HSPD1: variants seen among roughly 807,000 people sequenced by gnomAD.
HSPD1 encodes heat shock protein family D (Hsp60) member 1.
Under a neutral mutation model 53.0 loss-of-function variants are expected in HSPD1, and 3 were observed. The ratio of observed to expected loss-of-function variants is 0.06; its 90% CI spans 0.03 to 0.15. The LOEUF is 0.15. Among genes scored for constraint, HSPD1 ranks in the 10% least tolerant of loss-of-function variants. The pLI is 1.00. For missense variants in HSPD1, 431 were observed against 694.1 expected (o/e 0.62, Z 4.26); for synonymous variants, 200 against 228.0 (o/e 0.88, Z 1.10).
At chr2:197,487,647 G>A (rs1461072164) in intron 11 of HSPD1, among the ~76,000 whole-genome samples, 1 of 152,228 alleles carries the variant, frequency 6.6e-6, no homozygotes, top group African/African-American at 2.4e-5. Flanking sequence ...GGACTCAACT[G>A]CTACTCAAGG....
At chr2:197,494,910 G>C (rs1331263072) in intron 4 of HSPD1, 158 bp from the exon 5 acceptor site, 1 of 661,910 alleles carries the variant, frequency 1.5e-6, no homozygotes, top group East Asian at 2.7e-5. Flanking sequence ...CTGGTTCTTT[G>C]CTCTTTTCCG....
intron 1 of HSPD1, 22 bp from the exon 2 acceptor site, chr2:197,498,872 T>C (rs1387359662): frequency 1.2e-6 from 2 of 1,610,798 alleles, no homozygotes. Flanking sequence ...AGCAAAAAGA[T>C]CATCAGAACT....
chr2:197,493,514 C>G (rs780776422), intron 6 of HSPD1, 22 bp from the exon 7 acceptor site: 1 of 1,540,654 alleles, frequency 6.5e-7, no homozygotes, highest in Admixed American at 1.7e-5. Flanking sequence ...ATGAAGATTT[C>G]AAAAATATAC....
chr2:197,499,416 T>C (rs1309674726), intron 1 of HSPD1: 2 of 156,860 alleles, frequency 1.3e-5, no homozygotes, highest in African/African-American at 4.8e-5. Flanking sequence ...AGGTCAAGAC[T>C]GGAGGCGCGG....
chr2:197,495,034 A>C, intron 4 of HSPD1: 1 of 597,996 alleles, frequency 1.7e-6, no homozygotes, highest in East Asian at 2.8e-5. Context: ...TGCACCTTTG[A>C]CAATGGCTAA....
At chr2:197,487,254 T>A in intron 11 of HSPD1, 56 bp from the exon 12 acceptor site, 1 of 1,526,554 alleles carries the variant, frequency 6.6e-7, no homozygotes, top group East Asian at 2.3e-5. Flanking sequence ...GCAAGACTTA[T>A]TGAAAATTTC....
In HSPD1 at chr2:197,490,612, C is replaced by T. The variant is rs183708252; in HGVS notation, c.870-316G>A. The T allele has an allele frequency of 4.2e-5, 14 of 329,466 alleles. No individual in the cohort carries two copies. In the East Asian group the frequency reaches 7.4e-4, roughly 17 times the overall value. The allele number at this position is 329,466 out of a possible 1,614,324, so 20.4% of individuals were successfully genotyped here. A position where few individuals can be genotyped will look rare whatever the true frequency, so the allele number is the denominator to read the frequency against. On this transcript the variant is annotated intron_variant, in intron 7 of 11. Coordinates refer to ENST00000388968, the MANE Select transcript of HSPD1 (RefSeq NM_002156.5). ...TTGCAAGGCCCAGGCAGGTGGATCA[C>T]GAGGTCAGGAGTTCGAGACCAGCCT...
chr2:197,490,451 G>C, intron 7 of HSPD1, 155 bp from the exon 8 acceptor site: 1 of 640,536 alleles, frequency 1.6e-6, no homozygotes, highest in Non-Finnish European at 2.8e-6. Context: ...AGCAATTTTT[G>C]ATCAAATTAA....
At chr2:197,494,828 G>GGAAGTA in intron 4 of HSPD1, 76 bp from the exon 5 acceptor site, 1 of 957,402 alleles carries the variant, frequency 1.0e-6, no homozygotes, top group Non-Finnish European at 1.7e-6. Flanking sequence ...CCTTTTCCTA[G>GGAAGTA]TAACTTCCAA....
At chr2:197,489,277 G>C (rs777261563) in intron 8 of HSPD1, 30 bp from the exon 9 acceptor site, 11 of 1,612,786 alleles carry the variant, frequency 6.8e-6, no homozygotes, top group Admixed American at 6.7e-5. Context: ...TAAACCTGTT[G>C]TAGGTTACAG....
Position 197,493,385 on chromosome 2 carries a change from G to C in HSPD1, c.808C>G (p.Pro270Ala). The change falls in exon 7 of 12, where the codon CCT (proline) becomes GCT (alanine). Residue 270 changes from proline to alanine, a missense_variant. Pro to Ala is a conservative substitution (Grantham distance 27, BLOSUM62 -1). This residue lies in a region of HSPD1 where 386 missense variants were observed against 657.6 expected (regional missense o/e 0.59). Transcript: ENST00000388968. ...ALEIANAHRK[P>A]LVIIAEDVDG... ...ACATCTTCAGCGATTATGACCAAAG[G>C]CTTACGGTGAGCATTGGCAATTTCA... 6.2e-7 allele frequency: 1 copy of C among 1,613,678 alleles called. No homozygotes were observed. Among genetic ancestry groups the C allele is most frequent in the Non-Finnish European group, 8.5e-7 (1 of 1,179,792 alleles).
At chr2:197,499,167 C>A in intron 1 of HSPD1, 1 of 440,434 alleles carries the variant, frequency 2.3e-6, no homozygotes, top group African/African-American at 2.0e-5. Flanking sequence ...GTGGGCAGAC[C>A]CACTCCAACT....
intron 7 of HSPD1, 78 bp from the exon 8 acceptor site, chr2:197,490,374 G>T: frequency 9.1e-7 from 1 of 1,099,692 alleles, no homozygotes; most frequent in Non-Finnish European, 1.4e-6. Context: ...GCTGTTACTA[G>T]ATTACTTAGG....
At chr2:197,489,738 C>A (rs1293056758) in intron 8 of HSPD1, among the ~76,000 whole-genome samples, 1 of 151,918 alleles carries the variant, frequency 6.6e-6, no homozygotes, top group Non-Finnish European at 1.5e-5. Flanking sequence ...ACCTGTAGTC[C>A]CAGCTACTTG....
Position 197,489,257 on chromosome 2 carries a change from G to A in HSPD1, c.970-10C>T. ...CCTCTTCTCCAAACACCTACAAAAA[G>A]AGTTAAACGTAAACCTGTTGTAGGT... On this transcript the variant is annotated splice_polypyrimidine_tract_variant and intron_variant, in intron 8 of 11. Coordinates refer to ENST00000388968, the MANE Select transcript of HSPD1 (RefSeq NM_002156.5). 6.2e-7 allele frequency: 1 copy of A among 1,614,010 alleles called. No homozygotes were observed. Among genetic ancestry groups the A allele is most frequent in the Non-Finnish European group, 8.5e-7 (1 of 1,179,930 alleles).
intron 3 of HSPD1, among the ~76,000 whole-genome samples, chr2:197,495,859 C>G (rs1390499537): frequency 1.3e-5 from 2 of 152,288 alleles, no homozygotes; most frequent in East Asian, 1.9e-4. Context: ...TAGGTTCACA[C>G]AGTAAATAAA....
rs1174790355 is a variant in HSPD1 at position 197,487,031 on chromosome 2, GCAC to G, written c.*12_*14del. 8.3e-6 allele frequency: 10 copies of G among 1,205,010 alleles called. No homozygotes were observed. In the African/African-American group the frequency reaches 1.5e-4, roughly 18 times the overall value. The allele number at this position is 1,205,010 out of a possible 1,614,324, so 74.6% of individuals were successfully genotyped here. On this transcript the variant is annotated 3_prime_UTR_variant, in exon 12 of 12. Transcript: ENST00000388968. ...GTCACAGTTCATTAATAAAGGTAAAGCACTAGTCTAGGAGTTAGAACATGCCAC... is the reference window on the plus strand; with the variant it reads ...GTCACAGTTCATTAATAAAGGTAAAGTAGTCTAGGAGTTAGAACATGCCAC...
At chr2:197,499,675 G>A (rs1275356264) in intron 1 of HSPD1, 107 bp downstream of exon 1, 2 of 152,116 alleles carry the variant, frequency 1.3e-5, no homozygotes, top group Non-Finnish European at 2.9e-5. Flanking sequence ...GCGCGGTGCG[G>A]AACTCCAGGT....
chr2:197,494,999 C>G, intron 4 of HSPD1: 1 of 596,112 alleles, frequency 1.7e-6, no homozygotes, highest in Non-Finnish European at 3.0e-6. Context: ...AAAATGCTGA[C>G]TTCATTACAA....
Sources: allele counts gnomAD v4.1 joint callset (sites outside exome capture counted in the v4.1 genomes callset), GRCh38; gene constraint gnomAD v4.1.1; regional missense constraint gnomAD v4.1.1; transcripts MANE v1.5; gene names NCBI Gene and HGNC (gene_info 2026-07-23, HGNC 2026-07-21).